The following EHMT1 variants were observed in gnomAD, a reference collection of about 807,000 sequenced individuals.
EHMT1 encodes euchromatic histone lysine methyltransferase 1.
EHMT1 carries 15 observed loss-of-function variants against 147.2 expected under a neutral mutation model. That is an observed-to-expected ratio of 0.10 (90% CI 0.07 to 0.16). EHMT1 has a LOEUF of 0.16. EHMT1 is among the 10% of genes least tolerant of loss of function. The pLI is 1.00. For synonymous variants in EHMT1, 795 were observed against 709.6 expected, an observed-to-expected ratio of 1.12 and a Z score of -1.91; for missense variants, 1,587 against 1,772.4, an observed-to-expected ratio of 0.90 and a Z score of 1.88.
Position 137,779,693 on chromosome 9 carries a change from C to T in EHMT1, c.2251C>T (p.Leu751Phe). The change falls in exon 14 of 27, where the codon CTT (leucine) becomes TTT (phenylalanine). Residue 751 changes from leucine to phenylalanine, a missense_variant. Leu to Phe is a conservative substitution (Grantham distance 22). Coordinates refer to ENST00000460843, the MANE Select transcript of EHMT1 (RefSeq NM_024757.5). ...QLYFSARQGE[L>F]QKVLLMLVDG... ...GTACTTCTCCGCCAGGCAAGGGGAG[C>T]TTCAGAAGGTGCTCCTCATGCTGGG... 6.2e-7 allele frequency: 1 copy of T among 1,613,800 alleles called. No individual in the cohort carries two copies. The highest frequency in any genetic ancestry group is 1.3e-5 in the African/African-American group (1 of 75,082).
chr9:137,785,149 G>C (rs1490343828), intron 15 of EHMT1: 1 of 153,988 alleles, frequency 6.5e-6, no homozygotes, highest in Non-Finnish European at 1.4e-5. Context: ...GGGCTCGAGA[G>C]CAGATGCTGG....
intron 23 of EHMT1, 35 bp downstream of exon 23, chr9:137,816,097 T>C: frequency 6.3e-7 from 1 of 1,576,810 alleles, no homozygotes; most frequent in Non-Finnish European, 8.6e-7. Flanking sequence ...CCCCACATTC[T>C]GCTCGTATTA....
At chr9:137,675,498 C>G (rs930051700) in intron 1 of EHMT1, among the ~76,000 whole-genome samples, 5 of 152,152 alleles carry the variant, frequency 3.3e-5, no homozygotes, top group East Asian at 3.9e-4. Context: ...GAGTCTTGCT[C>G]TGTTGCCCAG....
At chr9:137,679,875 C>G (rs1382871775) in intron 1 of EHMT1, among the ~76,000 whole-genome samples, 1 of 152,140 alleles carries the variant, frequency 6.6e-6, no homozygotes, top group Non-Finnish European at 1.5e-5. Flanking sequence ...TGTTTCAGGG[C>G]TGTCAGGTAT....
chr9:137,714,814 G>A (rs1945064437), intron 2 of EHMT1, among the ~76,000 whole-genome samples: 1 of 152,102 alleles, frequency 6.6e-6, no homozygotes, highest in African/African-American at 2.4e-5. Context: ...CTCCCAAAGT[G>A]CTGGGATTAC....
chr9:137,813,465 A>C lies in EHMT1; in HGVS notation c.3115A>C (p.Lys1039Gln), dbSNP rs1319124019. The change falls in exon 21 of 27, where the codon AAG (lysine) becomes CAG (glutamine). Residue 1039 changes from lysine (K) to glutamine (Q), a missense_variant. Transcript: ENST00000460843. The surrounding 1 kb of genome is among the most constrained non-coding windows in gnomAD (Gnocchi z 4.9). ...CAGCGAGCCATGCCCCAGCAACTAC[A>C]AGTACGTCTCTCAGAACTGCGTGAC... Reference protein sequence around the residue: ...VDSEPCPSNYKYVSQNCVTSP... With the variant: ...VDSEPCPSNYQYVSQNCVTSP... The C allele has an allele frequency of 6.2e-7, 1 of 1,613,974 alleles. No homozygotes were observed. Among genetic ancestry groups the C allele is most frequent in the Non-Finnish European group, 8.5e-7 (1 of 1,179,998 alleles).
intron 14 of EHMT1, among the ~76,000 whole-genome samples, chr9:137,781,426 T>TGGTGATGACGCTGGGATATGC (rs1564749785): frequency 1.1e-3 from 160 of 149,206 alleles, no homozygotes; most frequent in East Asian, 4.7e-3. Context: ...CTGAGATGTG[T>TGGTGATGACGCTGGGATATGC]GGTGATGACG....
At chr9:137,764,794 TTC>T (rs1468620176) in intron 10 of EHMT1, 1 of 152,262 alleles carries the variant, frequency 6.6e-6, no homozygotes, top group African/African-American at 2.4e-5. Flanking sequence ...TCTTTTGTGT[TTC>T]TTTCACCCAG....
At chr9:137,757,286 C>G (rs1949449228) in intron 8 of EHMT1, among the ~76,000 whole-genome samples, 1 of 152,254 alleles carries the variant, frequency 6.6e-6, no homozygotes, top group African/African-American at 2.4e-5. Context: ...TCACAGCACC[C>G]TGCTCCCTGG....
chr9:137,760,612 T>C (rs774476785), intron 9 of EHMT1, among the ~76,000 whole-genome samples: 3 of 152,206 alleles, frequency 2.0e-5, no homozygotes, highest in African/African-American at 2.4e-5. Flanking sequence ...TTTTGGCTCT[T>C]TGCACAGATT....
At position 137,833,609 on chromosome 9, in the gene EHMT1, A is replaced by G. The variant is rs1003788370; in HGVS notation, c.3541-740A>G. On this transcript the variant is annotated intron_variant, in intron 25 of 26. Coordinates refer to ENST00000460843, the MANE Select transcript of EHMT1 (RefSeq NM_024757.5). ...TTGCGTGGTTAGGTCAGGCCCACCC[A>G]CCTCGTCCCCCTCTCTATGGTCAAT... Among the ~76,000 whole-genome samples, 9 of 152,252 alleles carry G rather than the reference A, an allele frequency of 5.9e-5. No individual in the cohort carries two copies. In the East Asian group the frequency reaches 1.4e-3, roughly 23 times the overall value.
At position 137,639,378 on chromosome 9, in the gene EHMT1, T is replaced by A. The variant is rs577399868; in HGVS notation, c.21+20329T>A. Among the ~76,000 whole-genome samples, 9 of 152,344 alleles carry A rather than the reference T, an allele frequency of 5.9e-5. 1 individual carries two copies. In the South Asian group the frequency reaches 1.9e-3, roughly 32 times the overall value. On this transcript the variant is annotated intron_variant, in intron 1 of 26. Coordinates refer to ENST00000460843, the MANE Select transcript of EHMT1 (RefSeq NM_024757.5). ...ATTAAGTCTTCCTTATTCTTTCTCA[T>A]TTTCTTTCTAGTTCTATTAGTTATT...
chr9:137,700,196 C>T (rs1200876891), intron 1 of EHMT1, among the ~76,000 whole-genome samples: 1 of 152,196 alleles, frequency 6.6e-6, no homozygotes, highest in East Asian at 1.9e-4. Context: ...TCCTATCCCT[C>T]TATCCCTTTT....
At chr9:137,669,214 A>G (rs1223450328) in intron 1 of EHMT1, among the ~76,000 whole-genome samples, 3 of 152,090 alleles carry the variant, frequency 2.0e-5, no homozygotes, top group Non-Finnish European at 2.9e-5. Flanking sequence ...TGTATCCTTC[A>G]TGTCTCGTCT....
At chr9:137,783,881 C>T (rs1160508975) in intron 15 of EHMT1, among the ~76,000 whole-genome samples, 2 of 152,350 alleles carry the variant, frequency 1.3e-5, no homozygotes, top group East Asian at 3.9e-4. Flanking sequence ...TTTATTCTGA[C>T]CTTTTCCCTC....
rs1588656034 is a variant in EHMT1 at position 137,778,068 on chromosome 9, A to G, written c.2192+13A>G. ...TCGACTCGGAAAAGTAAGACCTGAC[A>G]TGTGATTTCAGAGATGTCTCAGAGC... is the stretch of plus-strand genomic sequence containing the variant. On this transcript the variant is annotated intron_variant, in intron 13 of 26. Coordinates refer to ENST00000460843, the MANE Select transcript of EHMT1 (RefSeq NM_024757.5). 3.7e-6 allele frequency: 6 copies of G among 1,613,698 alleles called. No individual in the cohort carries two copies. Among genetic ancestry groups the G allele is most frequent in the Non-Finnish European group, 4.2e-6 (5 of 1,179,978 alleles).
At chr9:137,817,802 G>C (rs1165081755) in intron 24 of EHMT1, 5 of 621,666 alleles carry the variant, frequency 8.0e-6, no homozygotes, top group Admixed American at 2.8e-5. Flanking sequence ...AGCATGGGCA[G>C]TCATCTCTAG....
At chr9:137,643,046 A>G (rs967353130) in intron 1 of EHMT1, among the ~76,000 whole-genome samples, 1 of 151,468 alleles carries the variant, frequency 6.6e-6, no homozygotes, top group African/African-American at 2.4e-5. Flanking sequence ...TTCCCTGCTG[A>G]TTTTTAATTT....
At chr9:137,800,458 G>T (rs1468812891) in intron 17 of EHMT1, 4 of 242,072 alleles carry the variant, frequency 1.7e-5, no homozygotes, top group Non-Finnish European at 2.5e-5. Context: ...AGCAGAACCT[G>T]CTACAGCCCA....
Sources: allele counts gnomAD v4.1 joint callset (sites outside exome capture counted in the v4.1 genomes callset), GRCh38; gene constraint gnomAD v4.1.1; non-coding constraint Gnocchi (gnomAD v3.1); transcripts MANE v1.5; gene names NCBI Gene and HGNC (gene_info 2026-07-23, HGNC 2026-07-21).